CHD6: variants seen among roughly 807,000 people sequenced by gnomAD.
CHD6 encodes chromodomain helicase DNA binding protein 6, also known as ATP-dependent chromatin remodeler CHD6.
CHD6 carries 50 observed loss-of-function variants against 276.9 expected under a neutral mutation model. That is an observed-to-expected ratio of 0.18 (90% CI 0.14 to 0.23). The LOEUF is 0.23. CHD6 is among the 10% of genes least tolerant of loss of function. CHD6 has a pLI of 1.00. For missense variants in CHD6, 2,564 were observed against 3,365.8 expected (o/e 0.76, Z 5.89); for synonymous variants, 1,173 against 1,229.3 (o/e 0.95, Z 0.96).
At chr20:41,618,314 A>G (rs2045956599) in intron 1 of CHD6, 26 bp downstream of exon 1, 1 of 151,502 alleles carries the variant, frequency 6.6e-6, no homozygotes, top group Non-Finnish European at 1.5e-5. Context: ...CAGGGAGGAA[A>G]ATAAAAAGTT....
intron 1 of CHD6, among the ~76,000 whole-genome samples, chr20:41,596,965 C>T (rs1283790772): frequency 1.3e-5 from 2 of 152,150 alleles, no homozygotes; most frequent in Admixed American, 6.5e-5. Context: ...TCATGCTGTC[C>T]GCTCTACAAC....
rs188523975 is a variant in CHD6 at position 41,483,201 on chromosome 20, C to T, written c.2468+108G>A. Reference sequence around the variant, plus strand: ...TCTTTAAAAGGAGATTCCTTTCCTCCGTTTTTGAATGTTTTGTGTTTAAAC... The same window carrying T: ...TCTTTAAAAGGAGATTCCTTTCCTCTGTTTTTGAATGTTTTGTGTTTAAAC... On this transcript the variant is annotated intron_variant, in intron 16 of 36. Transcript: ENST00000373233. 2.7e-4 allele frequency: 256 copies of T among 944,732 alleles called. 6 individuals carry two copies. In the East Asian group the frequency reaches 3.6e-3, roughly 13 times the overall value. The allele number at this position is 944,732 out of a possible 1,614,324, so 58.5% of individuals were successfully genotyped here.
intron 17 of CHD6, among the ~76,000 whole-genome samples, chr20:41,460,118 C>A (rs923733942): frequency 6.6e-6 from 1 of 152,114 alleles, no homozygotes; most frequent in Non-Finnish European, 1.5e-5. Flanking sequence ...TCGAGATTTG[C>A]GGAACTTTGA....
At chr20:41,434,250 AG>A (rs35883792) in intron 27 of CHD6, among the ~76,000 whole-genome samples, 1 of 152,242 alleles carries the variant, frequency 6.6e-6, no homozygotes, top group African/African-American at 2.4e-5. Context: ...ACATTAATCA[AG>A]GGAAAGTAGC....
intron 1 of CHD6, among the ~76,000 whole-genome samples, chr20:41,602,160 C>G (rs2045779859): frequency 6.6e-6 from 1 of 152,216 alleles, no homozygotes; most frequent in Non-Finnish European, 1.5e-5. Context: ...ATCAAATACC[C>G]ATGTCCCTAC....
intron 1 of CHD6, among the ~76,000 whole-genome samples, chr20:41,568,136 A>T (rs1354157048): frequency 8.0e-5 from 12 of 150,740 alleles, no homozygotes; most frequent in Non-Finnish European, 1.6e-4. Context: ...ATATAAGCAC[A>T]TTTTAGACAA....
chr20:41,469,572 C>T (rs2043006796), intron 17 of CHD6, among the ~76,000 whole-genome samples: 1 of 152,200 alleles, frequency 6.6e-6, no homozygotes, highest in Non-Finnish European at 1.5e-5. Flanking sequence ...TCGTCCTGTG[C>T]CACTTCTTAA....
chr20:41,402,307 CAG>C lies in CHD6; in HGVS notation c.*2284_*2285del, dbSNP rs991518953. 11 of 226,084 alleles carry C rather than the reference CAG, an allele frequency of 4.9e-5. No homozygotes were observed. The highest frequency in any genetic ancestry group is 2.4e-4 in the African/African-American group (11 of 44,958). The allele number at this position is 226,084 out of a possible 1,614,324, so 14.0% of individuals were successfully genotyped here. Reference sequence around the variant, plus strand: ...TGTGCCTTACAGAGCAAATAATCCACAGAGTGTCATATTCATTTTGCAAACAG... The same window carrying C: ...TGTGCCTTACAGAGCAAATAATCCACAGTGTCATATTCATTTTGCAAACAG... On this transcript the variant is annotated 3_prime_UTR_variant, in exon 37 of 37. Transcript: ENST00000373233.
At chr20:41,559,173 C>T (rs1298174529) in intron 1 of CHD6, among the ~76,000 whole-genome samples, 1 of 141,840 alleles carries the variant, frequency 7.1e-6, no homozygotes, top group African/African-American at 2.7e-5. Flanking sequence ...CACACACACA[C>T]ACACAAAGTA....
intron 1 of CHD6, among the ~76,000 whole-genome samples, chr20:41,612,680 C>G (rs2045898164): frequency 6.6e-6 from 1 of 152,124 alleles, no homozygotes; most frequent in Non-Finnish European, 1.5e-5. Flanking sequence ...AGACATAATC[C>G]TTCAAAGTAT....
intron 27 of CHD6, among the ~76,000 whole-genome samples, chr20:41,431,440 C>G (rs1039446745): frequency 6.6e-6 from 1 of 152,024 alleles, no homozygotes; most frequent in South Asian, 2.1e-4. Flanking sequence ...AGAGGGAGGA[C>G]CCTCGCAGGG....
At chr20:41,424,830 ACT>A (rs2047309755) in intron 29 of CHD6, among the ~76,000 whole-genome samples, 1 of 152,190 alleles carries the variant, frequency 6.6e-6, no homozygotes, top group Admixed American at 6.5e-5. Context: ...TTCAGTGCAT[ACT>A]GTTCCCTTTG....
At chr20:41,566,781 G>A (rs1418841066) in intron 1 of CHD6, among the ~76,000 whole-genome samples, 3 of 152,060 alleles carry the variant, frequency 2.0e-5, no homozygotes, top group Non-Finnish European at 2.9e-5. Context: ...GTCTCCTCCC[G>A]CAGGCTATGA....
At chr20:41,494,839 C>CT (rs749838058) in intron 8 of CHD6, among the ~76,000 whole-genome samples, 3 of 152,210 alleles carry the variant, frequency 2.0e-5, no homozygotes, top group Non-Finnish European at 2.9e-5. Flanking sequence ...ATTTACTACC[C>CT]TTCAAGACCT....
chr20:41,480,303 G>A (rs2043265414), intron 16 of CHD6, among the ~76,000 whole-genome samples: 1 of 152,236 alleles, frequency 6.6e-6, no homozygotes, highest in South Asian at 2.1e-4. Context: ...GTATGGCCTA[G>A]AGAAGAGGAA....
At chr20:41,498,086 G>T in intron 7 of CHD6, 82 bp downstream of exon 7, 1 of 962,190 alleles carries the variant, frequency 1.0e-6, no homozygotes, top group Non-Finnish European at 1.7e-6. Flanking sequence ...CTCTGAAGAT[G>T]TAGAAGATAA....
rs201869876 is a variant in CHD6, at chr20:41,418,767, G to A, written c.6128-1418C>T. Among the ~76,000 whole-genome samples, 3 of 152,232 alleles carry A rather than the reference G, an allele frequency of 2.0e-5. No homozygotes were observed. The East Asian group carries it at 5.8e-4, about 29-fold the overall frequency. ...CCTACCTGTCCCACACCTCATATGT[G>A]TGGAGGATCCCTTCCAGGGTCTGCA... On this transcript the variant is annotated intron_variant, in intron 31 of 36. Coordinates refer to ENST00000373233, the MANE Select transcript of CHD6 (RefSeq NM_032221.5).
At chr20:41,503,946 C>T (rs781030284) in intron 5 of CHD6, among the ~76,000 whole-genome samples, 16 of 151,674 alleles carry the variant, frequency 1.1e-4, no homozygotes, top group African/African-American at 2.7e-4. Flanking sequence ...GGCATAGTGG[C>T]GCACACCTGT....
chr20:41,517,230 A>G, intron 3 of CHD6, among the ~76,000 whole-genome samples: 1 of 152,194 alleles, frequency 6.6e-6, no homozygotes, highest in East Asian at 1.9e-4. Flanking sequence ...CTAAATGATG[A>G]GAATATATGG....
Sources: allele counts gnomAD v4.1 joint callset (sites outside exome capture counted in the v4.1 genomes callset), GRCh38; gene constraint gnomAD v4.1.1; transcripts MANE v1.5; gene names NCBI Gene and HGNC (gene_info 2026-07-23, HGNC 2026-07-21).